The following HAT1 variants were observed in gnomAD, a reference collection of about 807,000 sequenced individuals.
The protein encoded by HAT1 is histone acetyltransferase type B catalytic subunit.
In HAT1, 20 loss-of-function variants were observed where a neutral mutation model predicts 56.6. The ratio of observed to expected loss-of-function variants is 0.35; its 90% CI spans 0.25 to 0.51. HAT1 has a LOEUF of 0.51. Ranked by LOEUF, HAT1 falls within the 20% of genes least tolerant of loss-of-function variation. The pLI is 0.95. For missense variants in HAT1, 408 were observed against 504.3 expected (o/e 0.81, Z 1.83); for synonymous variants, 146 against 165.5 (o/e 0.88, Z 0.91).
chr2:171,975,262 T>G (rs1408748569), intron 8 of HAT1, among the ~76,000 whole-genome samples: 2 of 151,834 alleles, frequency 1.3e-5, no homozygotes, highest in East Asian at 3.9e-4. Context: ...GCGCCACCAC[T>G]CATGGCTAAT....
intron 2 of HAT1, among the ~76,000 whole-genome samples, chr2:171,939,606 G>A (rs1686967340): frequency 6.6e-6 from 1 of 152,256 alleles, no homozygotes. Context: ...GAAGATATGT[G>A]TGATCTGTGT....
At chr2:171,971,626 G>A (rs1223166054) in intron 8 of HAT1, among the ~76,000 whole-genome samples, 1 of 152,130 alleles carries the variant, frequency 6.6e-6, no homozygotes, top group African/African-American at 2.4e-5. Context: ...TTATTACCGG[G>A]CTCTCTAATG....
intron 4 of HAT1, among the ~76,000 whole-genome samples, chr2:171,955,588 C>T (rs191805634): frequency 5.9e-5 from 9 of 151,456 alleles, no homozygotes; most frequent in Admixed American, 2.6e-4. Flanking sequence ...GCACTCCAGC[C>T]GGGGCAACAA....
At chr2:171,977,806 G>A (rs1323480996) in intron 9 of HAT1, among the ~76,000 whole-genome samples, 1 of 150,952 alleles carries the variant, frequency 6.6e-6, no homozygotes, top group Non-Finnish European at 1.5e-5. Flanking sequence ...CTCTTTACCT[G>A]AAATACTCCC....
At chr2:171,955,114 C>G (rs1687406899) in intron 4 of HAT1, among the ~76,000 whole-genome samples, 1 of 152,306 alleles carries the variant, frequency 6.6e-6, no homozygotes, top group East Asian at 1.9e-4. Flanking sequence ...TTGTTTTAAG[C>G]CACCAAGTTT....
At position 171,965,381 on chromosome 2, in the gene HAT1, G is replaced by T. The variant is rs1000903684; in HGVS notation, c.353G>T (p.Gly118Val). ...EGKIRQIIPP[G>V]FCTNTNDFLS... ...AAAATTAGACAAATCATTCCACCTGGATTTTGCACAAACACGAATGATTTC... is the reference window on the plus strand; with the variant it reads ...AAAATTAGACAAATCATTCCACCTGTATTTTGCACAAACACGAATGATTTC... Residue 118 changes from glycine (G) to valine (V), a missense_variant, in exon 5 of 11, where the codon GGA (glycine) becomes GTA (valine). Coordinates refer to ENST00000264108, the MANE Select transcript of HAT1 (RefSeq NM_003642.4). The T allele has an allele frequency of 3.7e-6, 6 of 1,611,500 alleles. No homozygotes were observed. Among genetic ancestry groups the T allele is most frequent in the Non-Finnish European group, 5.1e-6 (6 of 1,178,302 alleles).
In HAT1 at chr2:171,951,151, C is replaced by T. The variant is rs572998159; in HGVS notation, c.189-1730C>T. Among the ~76,000 whole-genome samples, 90 of 152,244 alleles carry T rather than the reference C, an allele frequency of 5.9e-4. 1 individual carries two copies. Among genetic ancestry groups the T allele is most frequent in the Non-Finnish European group, 1.0e-3 (70 of 68,008 alleles). On this transcript the variant is annotated intron_variant, in intron 3 of 10. Transcript: ENST00000264108. ...AGTCAACAAATGTCTCTTCCTGCAACGAATTTCCTGTGAATTTTTCATTAT... is the reference window on the plus strand; with the variant it reads ...AGTCAACAAATGTCTCTTCCTGCAATGAATTTCCTGTGAATTTTTCATTAT...
At chr2:171,934,642 G>A (rs1024563506) in intron 2 of HAT1, among the ~76,000 whole-genome samples, 1 of 152,076 alleles carries the variant, frequency 6.6e-6, no homozygotes, top group African/African-American at 2.4e-5. Context: ...TTGTCAGGTA[G>A]CACTAAGGGC....
At chr2:171,945,742 C>A (rs2105318688) in intron 2 of HAT1, among the ~76,000 whole-genome samples, 1 of 152,206 alleles carries the variant, frequency 6.6e-6, no homozygotes, top group Middle Eastern at 3.4e-3. Context: ...GATCTCGGCT[C>A]ACTGCAACCT....
intron 2 of HAT1, among the ~76,000 whole-genome samples, chr2:171,945,799 G>A (rs1488961023): frequency 6.6e-6 from 1 of 152,138 alleles, no homozygotes. Context: ...CTCCCAAGTA[G>A]CTGGGATTAC....
chr2:171,941,703 A>C (rs914490453), intron 2 of HAT1, among the ~76,000 whole-genome samples: 1 of 152,140 alleles, frequency 6.6e-6, no homozygotes, highest in Non-Finnish European at 1.5e-5. Flanking sequence ...CAGTAGTGCA[A>C]GCAGTGGGGG....
chr2:171,935,003 G>A (rs1310771579), intron 2 of HAT1, among the ~76,000 whole-genome samples: 3 of 151,244 alleles, frequency 2.0e-5, no homozygotes, highest in Admixed American at 2.0e-4. Flanking sequence ...TGATCCATCT[G>A]CCTCGGCCTC....
chr2:171,962,902 ACT>A (rs1366925914), intron 4 of HAT1, among the ~76,000 whole-genome samples: 1 of 151,912 alleles, frequency 6.6e-6, no homozygotes, highest in East Asian at 1.9e-4. Context: ...TTCATTTTTA[ACT>A]CTATTCAATT....
At chr2:171,977,540 TATATATATATATA>T (rs1418886556) in intron 9 of HAT1, among the ~76,000 whole-genome samples, 1 of 14,996 alleles carries the variant, frequency 6.7e-5, no homozygotes, top group African/African-American at 2.9e-4. Context: ...TATATATATA[TATATATATATATA>T]TATATTTTTT....
chr2:171,945,525 T>C (rs1687139366), intron 2 of HAT1, among the ~76,000 whole-genome samples: 1 of 145,014 alleles, frequency 6.9e-6, no homozygotes, highest in African/African-American at 2.6e-5. Flanking sequence ...TTTGAGACAG[T>C]CTTTGTCGCC....
intron 8 of HAT1, among the ~76,000 whole-genome samples, chr2:171,972,535 A>G (rs1212151311): frequency 6.6e-6 from 1 of 152,132 alleles, no homozygotes; most frequent in Non-Finnish European, 1.5e-5. Flanking sequence ...AAAGCAAGGG[A>G]TCACAGGTGT....
intron 8 of HAT1, among the ~76,000 whole-genome samples, chr2:171,968,987 T>C (rs1297299428): frequency 6.6e-6 from 1 of 152,222 alleles, no homozygotes; most frequent in Non-Finnish European, 1.5e-5. Context: ...TTACTTCCAA[T>C]GGATGGGTGT....
At chr2:171,962,585 G>T (rs796905341) in intron 4 of HAT1, among the ~76,000 whole-genome samples, 1 of 152,068 alleles carries the variant, frequency 6.6e-6, no homozygotes, top group South Asian at 2.1e-4. Flanking sequence ...TTAGAGACAG[G>T]GTTTCACCAT....
At chr2:171,979,415 GAAGAA>G in intron 10 of HAT1, 52 bp downstream of exon 10, 4 of 883,920 alleles carry the variant, frequency 4.5e-6, no homozygotes, top group Non-Finnish European at 7.6e-6. Context: ...GTTTAAAACA[GAAGAA>G]AAGCTACCAA....
Sources: allele counts gnomAD v4.1 joint callset (sites outside exome capture counted in the v4.1 genomes callset), GRCh38; gene constraint gnomAD v4.1.1; transcripts MANE v1.5; gene names NCBI Gene and HGNC (gene_info 2026-07-23, HGNC 2026-07-21).